Variants in CLCN3 observed in about 807,000 individuals in gnomAD.
The protein encoded by CLCN3 is Cl-/H+ antiporter 3.
A neutral mutation model predicts 83.4 loss-of-function variants in CLCN3; 16 were observed. The ratio of observed to expected loss-of-function variants is 0.19; its 90% confidence interval spans 0.13 to 0.29. The LOEUF is 0.29. Ranked by LOEUF, CLCN3 falls within the 10% of genes least tolerant of loss-of-function variation. CLCN3 has a pLI of 1.00. For missense variants in CLCN3, 544 were observed against 1,006.0 expected, an observed-to-expected ratio of 0.54 and a Z score of 6.21; for synonymous variants, 322 against 346.2, an observed-to-expected ratio of 0.93 and a Z score of 0.78.
chr4:169,650,937 G>A (rs1730714801), intron 2 of CLCN3, among the ~76,000 whole-genome samples: 1 of 152,096 alleles, frequency 6.6e-6, no homozygotes, highest in African/African-American at 2.4e-5. Context: ...CTCATACTAG[G>A]TTTATGAAAT....
At chr4:169,652,146 T>C (rs1730749085) in intron 2 of CLCN3, among the ~76,000 whole-genome samples, 1 of 152,166 alleles carries the variant, frequency 6.6e-6, no homozygotes, top group Non-Finnish European at 1.5e-5. Flanking sequence ...GTTAAGACAA[T>C]AAAGCATAAC....
chr4:169,675,206 T>C (rs1401852530), intron 2 of CLCN3, among the ~76,000 whole-genome samples: 1 of 152,244 alleles, frequency 6.6e-6, no homozygotes, highest in African/African-American at 2.4e-5. Context: ...ATAGTTTATT[T>C]GGCTTATATC....
chr4:169,666,449 A>G (rs973899550), intron 2 of CLCN3, among the ~76,000 whole-genome samples: 2 of 152,222 alleles, frequency 1.3e-5, no homozygotes, highest in African/African-American at 4.8e-5. Context: ...CTGCTAAAGC[A>G]TAAGGATGTG....
intron 11 of CLCN3, among the ~76,000 whole-genome samples, chr4:169,708,533 C>G (rs1733077523): frequency 6.6e-6 from 1 of 152,056 alleles, no homozygotes; most frequent in African/African-American, 2.4e-5. Context: ...TAGACCCAGT[C>G]AAAAGAATTT....
chr4:169,644,869 T>C lies in CLCN3; in HGVS notation c.160+8781T>C, dbSNP rs187088069. Among the ~76,000 whole-genome samples, 188 of 152,100 alleles carry C rather than the reference T, an allele frequency of 1.2e-3. 2 individuals carry two copies. The highest frequency in any genetic ancestry group is 0.012 in the South Asian group (59 of 4,816). On this transcript the variant is annotated intron_variant, in intron 2 of 12. Transcript: ENST00000513761. ...GGATCAGAGTTAGTGGTAGCAGACA[T>C]GATAATGGAAACAAGAAGTCATGTG... is the stretch of plus-strand genomic sequence containing the variant.
intron 2 of CLCN3, among the ~76,000 whole-genome samples, chr4:169,668,043 A>ATTTTTTTTTTTTT: frequency 1.2e-5 from 1 of 82,342 alleles, no homozygotes; most frequent in Non-Finnish European, 2.4e-5. Flanking sequence ...CCGGCCAGAC[A>ATTTTTTTTTTTTT]TTTTTTTTTT....
In CLCN3 at chr4:169,705,241, G is replaced by A. The variant is rs1048446117; in HGVS notation, c.1750+1057G>A. On this transcript the variant is annotated intron_variant, in intron 10 of 12. Coordinates refer to ENST00000513761, the MANE Select transcript of CLCN3 (RefSeq NM_001829.4). Reference sequence around the variant, plus strand: ...GATTATAATGTGAAGACAAAGGAACGAGGATGGGAATAAATTTTGTATTCA... The same window carrying A: ...GATTATAATGTGAAGACAAAGGAACAAGGATGGGAATAAATTTTGTATTCA... Among the ~76,000 whole-genome samples the A allele has an allele frequency of 6.6e-5, 10 of 152,160 alleles. No homozygotes were observed. In the East Asian group the frequency reaches 1.7e-3, roughly 26 times the overall value.
At chr4:169,633,756 G>T (rs1436171013) in intron 1 of CLCN3, among the ~76,000 whole-genome samples, 2 of 152,136 alleles carry the variant, frequency 1.3e-5, no homozygotes, top group African/African-American at 4.8e-5. Flanking sequence ...ATTTCAACAT[G>T]TAATCAGTAT....
intron 1 of CLCN3, among the ~76,000 whole-genome samples, chr4:169,631,037 T>A (rs2150199041): frequency 6.6e-6 from 1 of 152,362 alleles, no homozygotes; most frequent in South Asian, 2.1e-4. Flanking sequence ...ATCTCCAAAC[T>A]GCTTTCCACA....
chr4:169,697,731 C>T lies in CLCN3; in HGVS notation c.1560C>T (p.Ile520=). 11 of 1,600,202 alleles carry T rather than the reference C, an allele frequency of 6.9e-6. No homozygotes were observed. The highest frequency in any genetic ancestry group is 9.4e-6 in the Non-Finnish European group (11 of 1,173,496). ...TAATGACAGTATTCACTTTTGGCAT[C>T]AAGGTAAGTGCTAATGTGAGGTGAT... The part of the protein sequence containing the change: ...KIIMTVFTFG[I]KVPSGLFIPS... Residue 520 remains isoleucine (I), a synonymous_variant, in exon 9 of 13, where the codon ATC becomes ATT. Transcript: ENST00000513761.
At chr4:169,680,310 A>C (rs1442595533) in intron 3 of CLCN3, 103 bp downstream of exon 3, 1 of 767,572 alleles carries the variant, frequency 1.3e-6, no homozygotes, top group East Asian at 2.7e-5. Flanking sequence ...TTTACATTTA[A>C]TATAAGTAAA....
At chr4:169,663,952 C>T (rs887437574) in intron 2 of CLCN3, among the ~76,000 whole-genome samples, 3 of 152,072 alleles carry the variant, frequency 2.0e-5, no homozygotes, top group Admixed American at 1.3e-4. Flanking sequence ...CTCTTCTTCC[C>T]CCAAAGTCCC....
At chr4:169,699,612 A>G (rs1385509102) in intron 9 of CLCN3, among the ~76,000 whole-genome samples, 4 of 152,164 alleles carry the variant, frequency 2.6e-5, no homozygotes, top group Admixed American at 1.3e-4. Flanking sequence ...GGCCAGGCGC[A>G]GTGGCTCACA....
chr4:169,657,774 T>G (rs114530677), intron 2 of CLCN3, among the ~76,000 whole-genome samples: 159 of 152,284 alleles, frequency 1.0e-3, no homozygotes, highest in African/African-American at 3.7e-3. Context: ...TCTTTAGAAT[T>G]CATCCTGAGC....
intron 2 of CLCN3, among the ~76,000 whole-genome samples, chr4:169,649,375 C>T (rs1206730635): frequency 2.0e-5 from 3 of 152,170 alleles, no homozygotes; most frequent in African/African-American, 7.2e-5. Flanking sequence ...GGGAATCATA[C>T]GAACTTTGTA....
At chr4:169,627,725 A>G (rs917545892) in intron 1 of CLCN3, among the ~76,000 whole-genome samples, 1 of 152,226 alleles carries the variant, frequency 6.6e-6, no homozygotes, top group Non-Finnish European at 1.5e-5. Context: ...CTCTTTTACA[A>G]CATCAAGGAA....
intron 11 of CLCN3, among the ~76,000 whole-genome samples, chr4:169,709,089 T>G (rs1307167791): frequency 6.7e-6 from 1 of 148,284 alleles, no homozygotes; most frequent in Non-Finnish European, 1.5e-5. Context: ...TATATAAATA[T>G]TAACATAATT....
intron 1 of CLCN3, 117 bp from the exon 2 acceptor site, chr4:169,635,796 G>T: frequency 3.0e-6 from 2 of 665,432 alleles, no homozygotes; most frequent in Non-Finnish European, 2.3e-6. Flanking sequence ...TATTGTTACA[G>T]TGAATACGCT....
chr4:169,636,876 T>TA (rs1730217289), intron 2 of CLCN3, among the ~76,000 whole-genome samples: 1 of 152,118 alleles, frequency 6.6e-6, no homozygotes, highest in Non-Finnish European at 1.5e-5. Context: ...ATAGAATATG[T>TA]ATATCTCAGC....
Sources: gnomAD v4.1 joint callset for allele counts (sites outside exome capture counted in the v4.1 genomes callset) on GRCh38, gnomAD v4.1.1 for gene constraint, MANE v1.5 for transcripts, NCBI Gene and HGNC (gene_info 2026-07-23, HGNC 2026-07-21) for gene names.